PPA1: variants seen among roughly 807,000 people sequenced by gnomAD.
The protein encoded by PPA1 is inorganic pyrophosphatase 1.
In PPA1, 23 loss-of-function variants were observed where a neutral mutation model predicts 41.8. The ratio of observed to expected loss-of-function variants is 0.55; its 90% confidence interval spans 0.40 to 0.78. The LOEUF is 0.78. Among genes scored for constraint, PPA1 ranks in the 30% least tolerant of loss-of-function variants. The pLI, the probability that PPA1 is intolerant of heterozygous loss-of-function variation, is 0.00. For missense variants in PPA1, 320 were observed against 361.6 expected (o/e 0.89, Z 0.93); for synonymous variants, 101 against 116.8 (o/e 0.86, Z 0.87).
intron 6 of PPA1, 74 bp downstream of exon 6, chr10:70,213,389 C>T (rs1840043935): frequency 1.3e-6 from 2 of 1,548,834 alleles, no homozygotes; most frequent in African/African-American, 2.7e-5. Context: ...GCTTACAATT[C>T]TGTCATTATA....
At chr10:70,230,640 G>A (rs574702602) in intron 1 of PPA1, among the ~76,000 whole-genome samples, 1 of 152,138 alleles carries the variant, frequency 6.6e-6, no homozygotes, top group South Asian at 2.1e-4. Context: ...GCTAATTTTT[G>A]TGTCTTTTGT....
intron 4 of PPA1, among the ~76,000 whole-genome samples, chr10:70,215,758 G>A (rs753293587): frequency 9.2e-5 from 14 of 152,312 alleles, no homozygotes; most frequent in Middle Eastern, 3.4e-3. Context: ...TGGGATTACA[G>A]GCATGAGCCA....
intron 5 of PPA1, 96 bp downstream of exon 5, chr10:70,214,404 T>C: frequency 5.4e-6 from 5 of 933,376 alleles, no homozygotes; most frequent in Non-Finnish European, 8.3e-6. Context: ...TTCACTAATA[T>C]TCATGCATTT....
At chr10:70,226,760 T>TC (rs1334065533) in intron 2 of PPA1, among the ~76,000 whole-genome samples, 2 of 152,120 alleles carry the variant, frequency 1.3e-5, no homozygotes, top group African/African-American at 4.8e-5. Context: ...CGTGGAAACT[T>TC]CCCCAAGAAA....
In PPA1 at chr10:70,217,792, G is replaced by T; in HGVS notation, c.297+20C>A. The stretch of plus-strand genomic sequence containing the variant: ...TAGTAAGCTAAAAAGTACATTGTCA[G>T]CAGTTGCATGAAGACATACCTGAGG... On this transcript the variant is annotated intron_variant, in intron 4 of 10. Coordinates refer to ENST00000373232, the MANE Select transcript of PPA1 (RefSeq NM_021129.4). 1 of 1,513,198 alleles carries T rather than the reference G, an allele frequency of 6.6e-7. No homozygotes were observed. The highest frequency in any genetic ancestry group is 1.3e-5 in the South Asian group (1 of 76,820). 93.7% of individuals were successfully genotyped at this position (1,513,198 alleles called of 1,614,324 possible). A position where few individuals can be genotyped will look rare whatever the true frequency, so the allele number is the denominator to read the frequency against.
At chr10:70,215,045 A>T (rs1023461071) in intron 4 of PPA1, among the ~76,000 whole-genome samples, 6 of 152,018 alleles carry the variant, frequency 3.9e-5, no homozygotes, top group Non-Finnish European at 7.4e-5. Flanking sequence ...AAATACAAAA[A>T]TGAGCCAGGC....
chr10:70,210,513 A>G, intron 6 of PPA1: 1 of 1,089,850 alleles, frequency 9.2e-7, no homozygotes, highest in Non-Finnish European at 1.2e-6. Flanking sequence ...GGCACTGTAC[A>G]TAACAATACT....
chr10:70,205,798 T>C (rs1839933189), intron 9 of PPA1: 1 of 152,750 alleles, frequency 6.5e-6, no homozygotes, highest in Admixed American at 6.5e-5. Context: ...TTAAAAATAG[T>C]ACAAAAACAA....
intron 6 of PPA1, among the ~76,000 whole-genome samples, chr10:70,211,035 T>G (rs10740330): frequency 0.3 from 45,500 of 151,840 alleles, 7,156 homozygotes; most frequent in Non-Finnish European, 0.35. Flanking sequence ...AGTGCTGGGA[T>G]TACAGGCGTG....
At chr10:70,218,054 C>A in intron 3 of PPA1, 123 bp from the exon 4 acceptor site, 1 of 903,528 alleles carries the variant, frequency 1.1e-6, no homozygotes, top group East Asian at 2.7e-5. Flanking sequence ...ATATTTTATC[C>A]CTAACACTTT....
At chr10:70,203,497 A>C in intron 10 of PPA1, 1 of 250,328 alleles carries the variant, frequency 4.0e-6, no homozygotes, top group Non-Finnish European at 7.6e-6. Flanking sequence ...TCCATCTTCC[A>C]GGTTCAAGCA....
intron 2 of PPA1, among the ~76,000 whole-genome samples, chr10:70,224,850 C>T (rs1840210595): frequency 1.3e-5 from 2 of 152,210 alleles, no homozygotes; most frequent in African/African-American, 4.8e-5. Flanking sequence ...CCTGCCTCAG[C>T]CTCCCGAGTA....
rs908305192 is a variant in PPA1, at chr10:70,233,392, A to C, written c.-65T>G. 3 of 1,520,488 alleles carry C rather than the reference A, an allele frequency of 2.0e-6. No homozygotes were observed. Among genetic ancestry groups the C allele is most frequent in the Non-Finnish European group, 2.6e-6 (3 of 1,138,818 alleles). 94.2% of individuals were successfully genotyped at this position (1,520,488 alleles called of 1,614,324 possible). On this transcript the variant is annotated 5_prime_UTR_variant, in exon 1 of 11. Coordinates refer to ENST00000373232, the MANE Select transcript of PPA1 (RefSeq NM_021129.4). ...CAGCCCGCACGCGGCGCCGACTGAC[A>C]AGGAGAGAGCCCCACGCCTGCGCAC...
chr10:70,206,846 AAGG>A (rs1244905323), intron 8 of PPA1, among the ~76,000 whole-genome samples: 2 of 86,432 alleles, frequency 2.3e-5, no homozygotes, highest in African/African-American at 4.7e-5. Context: ...GCGTTGCAAT[AAGG>A]AGGAGAGGAG....
Position 70,233,280 on chromosome 10 carries a change from C to A in PPA1, c.48G>T (p.Glu16Asp). The change falls in exon 1 of 11, where the codon GAG becomes GAT. Residue 16 changes from glutamate (E) to aspartate (D), a missense_variant. Coordinates refer to ENST00000373232, the MANE Select transcript of PPA1 (RefSeq NM_021129.4). ...GACACTCACTGAGGAAGACTCGGTA[C>A]TCCAGGGAGAAGGGCGCGGCGCGCT... The part of the protein sequence containing the change: ...TEERAAPFSL[E>D]YRVFLKNEKG... The A allele has an allele frequency of 1.3e-6, 2 of 1,543,022 alleles. No homozygotes were observed. Among genetic ancestry groups the A allele is most frequent in the Non-Finnish European group, 1.7e-6 (2 of 1,144,466 alleles).
At chr10:70,221,041 T>TTATATATATATATAATTTA (rs1840155450) in intron 2 of PPA1, among the ~76,000 whole-genome samples, 1 of 64,936 alleles carries the variant, frequency 1.5e-5, no homozygotes, top group African/African-American at 9.6e-5. Flanking sequence ...TATATATAAA[T>TTATATATATATATAATTTA]TATATATATA....
At chr10:70,212,070 C>T (rs1164324888) in intron 6 of PPA1, among the ~76,000 whole-genome samples, 2 of 152,212 alleles carry the variant, frequency 1.3e-5, no homozygotes, top group Non-Finnish European at 2.9e-5. Context: ...GCTCTAAAGT[C>T]ATCCTCTCCT....
intron 8 of PPA1, among the ~76,000 whole-genome samples, chr10:70,207,707 T>G (rs1031058317): frequency 6.6e-6 from 1 of 152,194 alleles, no homozygotes; most frequent in Non-Finnish European, 1.5e-5. Flanking sequence ...TACATAGTGT[T>G]AAATTTTAAA....
chr10:70,228,848 T>G (rs78269316), intron 2 of PPA1, among the ~76,000 whole-genome samples: 2,389 of 152,300 alleles, frequency 0.016, 59 homozygotes, highest in African/African-American at 0.055. Context: ...AATGAATGTG[T>G]CTATTTCTAT....
Sources: gnomAD v4.1 joint callset for allele counts (sites outside exome capture counted in the v4.1 genomes callset) on GRCh38, gnomAD v4.1.1 for gene constraint, MANE v1.5 for transcripts, NCBI Gene and HGNC (gene_info 2026-07-23, HGNC 2026-07-21) for gene names.